NHS: variants seen among roughly 807,000 people sequenced by gnomAD.
NHS encodes NHS actin remodeling regulator.
NHS carries 5 observed loss-of-function variants against 72.5 expected under a neutral mutation model. The ratio of observed to expected loss-of-function variants is 0.07; its 90% CI spans 0.04 to 0.14. The LOEUF is 0.14. Among genes scored for constraint, NHS ranks in the 10% least tolerant of loss-of-function variants. The probability of loss-of-function intolerance (pLI) is 1.00; values close to 1 mark genes in which losing one functional copy is unlikely to be tolerated. For synonymous variants in NHS, 464 were observed against 547.7 expected, an observed-to-expected ratio of 0.85 and a Z score of 2.13; for missense variants, 1,072 against 1,355.7, an observed-to-expected ratio of 0.79 and a Z score of 3.29.
intron 1 of NHS, among the ~76,000 whole-genome samples, chrX:17,393,363 G>A (rs7884626): frequency 0.013 from 1,450 of 111,895 alleles, 25 homozygotes; most frequent in African/African-American, 0.045. Context: ...ACAAAGTTCT[G>A]GTGCCTAAAA....
intron 1 of NHS, among the ~76,000 whole-genome samples, chrX:17,489,673 G>A (rs1274888019): frequency 1.8e-5 from 2 of 111,740 alleles, no homozygotes; most frequent in Non-Finnish European, 3.8e-5. Flanking sequence ...ATTTTTAGTA[G>A]AGACAGGGTT....
intron 1 of NHS, among the ~76,000 whole-genome samples, chrX:17,476,209 G>C (rs1340848743): frequency 1.8e-5 from 2 of 111,749 alleles, no homozygotes; most frequent in African/African-American, 6.5e-5. Context: ...AAGCAGTGCA[G>C]CTTTTGTTTA....
At chrX:17,648,462 G>T (rs187355814) in intron 1 of NHS, among the ~76,000 whole-genome samples, 1 of 112,473 alleles carries the variant, frequency 8.9e-6, no homozygotes, top group South Asian at 3.7e-4. Context: ...AGGTCATAAG[G>T]CCTGCTCAGA....
chrX:17,564,625 T>C (rs1008694639), intron 1 of NHS, among the ~76,000 whole-genome samples: 1 of 112,674 alleles, frequency 8.9e-6, no homozygotes, highest in African/African-American at 3.2e-5. Context: ...ACCAGGACGC[T>C]CCATTCTCTA....
At chrX:17,499,765 G>A (rs1012867087) in intron 1 of NHS, among the ~76,000 whole-genome samples, 1 of 111,781 alleles carries the variant, frequency 8.9e-6, no homozygotes, top group East Asian at 2.8e-4. Flanking sequence ...GGCTCTCATC[G>A]GCCAAGGAGA....
At chrX:17,670,911 AT>A (rs2066041168) in intron 1 of NHS, among the ~76,000 whole-genome samples, 1 of 112,260 alleles carries the variant, frequency 8.9e-6, no homozygotes, top group East Asian at 2.8e-4. Flanking sequence ...TTTTCTGATC[AT>A]GATCTTTGGC....
chrX:17,393,480 ATGTT>A (rs1483482763), intron 1 of NHS, among the ~76,000 whole-genome samples: 1 of 112,550 alleles, frequency 8.9e-6, no homozygotes, highest in East Asian at 2.8e-4. Context: ...TCACAAAGCC[ATGTT>A]TCAAATCACT....
intron 1 of NHS, among the ~76,000 whole-genome samples, chrX:17,649,425 A>G: frequency 9.0e-6 from 1 of 111,005 alleles, no homozygotes; most frequent in Middle Eastern, 4.7e-3. Flanking sequence ...CATATCCAGG[A>G]ATTCTATGTA....
At chrX:17,443,497 G>A (rs929959278) in intron 1 of NHS, among the ~76,000 whole-genome samples, 1 of 111,683 alleles carries the variant, frequency 9.0e-6, no homozygotes. Context: ...AGGTGGTGAG[G>A]AATACTCTGA....
rs1200810989 is a variant in NHS at position 17,735,742 on chromosome X, T to C, written c.*3278T>C. On this transcript the variant is annotated 3_prime_UTR_variant, in exon 9 of 9. Coordinates refer to ENST00000676302, the MANE Select transcript of NHS (RefSeq NM_001291867.2). ...ATGGACTTGCATCCATTTTGTATTT[T>C]TGTAATATTTGTAAATATGAACTTT... The C allele has an allele frequency of 8.8e-6, 1 of 113,173 alleles. No individual in the cohort carries two copies. The highest frequency in any genetic ancestry group is 1.9e-5 in the Non-Finnish European group (1 of 53,417). 9.3% of individuals were successfully genotyped at this position (113,173 alleles called of 1,213,427 possible).
intron 1 of NHS, among the ~76,000 whole-genome samples, chrX:17,378,723 C>T (rs917855226): frequency 8.9e-6 from 1 of 112,009 alleles, no homozygotes; most frequent in African/African-American, 3.3e-5. Context: ...GCTGGCGACC[C>T]TCTGAGCACA....
intron 1 of NHS, among the ~76,000 whole-genome samples, chrX:17,598,815 C>G (rs755612760): frequency 1.8e-5 from 2 of 111,207 alleles, no homozygotes; most frequent in African/African-American, 6.5e-5. Context: ...CCTAAGTGTA[C>G]ACTTCCTTGA....
At chrX:17,572,009 G>A (rs1051717574) in intron 1 of NHS, among the ~76,000 whole-genome samples, 3 of 112,177 alleles carry the variant, frequency 2.7e-5, no homozygotes, top group Non-Finnish European at 3.8e-5. Flanking sequence ...GTTCTAGTTC[G>A]ATTGCACTGT....
intron 1 of NHS, among the ~76,000 whole-genome samples, chrX:17,538,420 A>T (rs1480958598): frequency 8.9e-6 from 1 of 111,739 alleles, no homozygotes; most frequent in Admixed American, 9.5e-5. Context: ...TGCACTAAAG[A>T]GTAGGCTCCC....
intron 1 of NHS, among the ~76,000 whole-genome samples, chrX:17,626,478 C>T (rs1411494371): frequency 2.7e-5 from 3 of 111,878 alleles, no homozygotes; most frequent in African/African-American, 6.5e-5. Flanking sequence ...GCTGCAGCCC[C>T]CAGCCAGCCC....
chrX:17,643,879 G>A (rs1004169711), intron 1 of NHS, among the ~76,000 whole-genome samples: 1 of 111,914 alleles, frequency 8.9e-6, no homozygotes, highest in Non-Finnish European at 1.9e-5. Flanking sequence ...TTCCCATACT[G>A]TTGTTTGGAT....
chrX:17,473,199 A>G (rs1258981765), intron 1 of NHS, among the ~76,000 whole-genome samples: 1 of 112,097 alleles, frequency 8.9e-6, no homozygotes, highest in Admixed American at 9.5e-5. Flanking sequence ...CTTTTTAAAG[A>G]GCCCATATAG....
At chrX:17,460,901 C>A (rs1009965027) in intron 1 of NHS, among the ~76,000 whole-genome samples, 2 of 111,973 alleles carry the variant, frequency 1.8e-5, no homozygotes, top group African/African-American at 3.2e-5. Flanking sequence ...TGAGGGGTAA[C>A]GATTCAAGCC....
chrX:17,445,334 T>A (rs934020633), intron 1 of NHS, among the ~76,000 whole-genome samples: 4 of 112,217 alleles, frequency 3.6e-5, no homozygotes, highest in African/African-American at 1.3e-4. Context: ...AGTATCTACT[T>A]GCCCCAAGGG....
Sources: gnomAD v4.1 joint callset for allele counts (sites outside exome capture counted in the v4.1 genomes callset) on GRCh38, gnomAD v4.1.1 for gene constraint, MANE v1.5 for transcripts, NCBI Gene and HGNC (gene_info 2026-07-23, HGNC 2026-07-21) for gene names.